The following POLQ variants were observed in gnomAD, a reference collection of about 807,000 sequenced individuals.
The protein encoded by POLQ is DNA polymerase theta.
A neutral mutation model predicts 259.2 loss-of-function variants in POLQ; 233 were observed. That is an observed-to-expected ratio of 0.90 (90% CI 0.81 to 1.00). The LOEUF (loss-of-function observed/expected upper bound fraction) is 1.00. POLQ is among the 50% of genes least tolerant of loss of function. POLQ has a pLI of 0.00. For synonymous variants in POLQ, 1,025 were observed against 1,048.8 expected (o/e 0.98, Z 0.44); for missense variants, 2,871 against 3,051.6 (o/e 0.94, Z 1.39).
At chr3:121,498,437 T>C (rs1475215979) in intron 13 of POLQ, 40 bp downstream of exon 13, 4 of 1,450,704 alleles carry the variant, frequency 2.8e-6, no homozygotes, top group East Asian at 4.6e-5. Context: ...TGCAAGACAC[T>C]GTGTTAAATA....
chr3:121,513,451 A>T (rs193075077), intron 9 of POLQ, among the ~76,000 whole-genome samples: 1 of 151,528 alleles, frequency 6.6e-6, no homozygotes, highest in Non-Finnish European at 1.5e-5. Flanking sequence ...AAAATACAAA[A>T]ATTAGCTGGG....
chr3:121,457,128 T>C (rs1409825226), intron 25 of POLQ, among the ~76,000 whole-genome samples: 1 of 152,118 alleles, frequency 6.6e-6, no homozygotes, highest in Non-Finnish European at 1.5e-5. Flanking sequence ...AAACAAGCAA[T>C]GGGGAAAGGA....
intron 5 of POLQ, among the ~76,000 whole-genome samples, chr3:121,534,486 G>A (rs2048436925): frequency 6.6e-6 from 1 of 152,092 alleles, no homozygotes; most frequent in South Asian, 2.1e-4. Context: ...ACCACGCCCA[G>A]CCAAATTTTG....
chr3:121,525,236 G>T (rs888438721), intron 7 of POLQ, among the ~76,000 whole-genome samples: 1 of 152,116 alleles, frequency 6.6e-6, no homozygotes, highest in East Asian at 1.9e-4. Context: ...AGCTACTCGG[G>T]AGGCTGAGGC....
At chr3:121,526,302 CCTT>C (rs1184589360) in intron 7 of POLQ, among the ~76,000 whole-genome samples, 1 of 152,210 alleles carries the variant, frequency 6.6e-6, no homozygotes, top group Non-Finnish European at 1.5e-5. Flanking sequence ...ACTCTCCAGT[CCTT>C]CTTGTACAAC....
chr3:121,481,603 G>C lies in POLQ; in HGVS notation c.6180C>G (p.Leu2060=), dbSNP rs1049378887. ...SILIFNSMNQ[L]NSLLQKENLQ... is the part of the protein sequence containing the mutation. ...GGTTTTCCTTCTGCAACAAAGAGTT[G>C]AGCTGATTCATAGAGTTGAAGATGA... Residue 2060 remains leucine (L), a synonymous_variant, in exon 19 of 30, where the codon CTC becomes CTG. Transcript: ENST00000264233. 3 of 1,610,296 alleles carry C rather than the reference G, an allele frequency of 1.9e-6. No individual in the cohort carries two copies. The highest frequency in any genetic ancestry group is 1.7e-6 in the Non-Finnish European group (2 of 1,178,042).
At chr3:121,456,708 A>G (rs917605026) in intron 25 of POLQ, among the ~76,000 whole-genome samples, 103 of 152,194 alleles carry the variant, frequency 6.8e-4, no homozygotes, top group African/African-American at 2.4e-3. Context: ...GGAGAACTAC[A>G]AACCACTGCT....
Position 121,493,207 on chromosome 3 carries a change from C to T in POLQ, c.2522+271G>A, listed in dbSNP as rs1023926237. 2.2e-4 allele frequency among the ~76,000 whole-genome samples: 33 copies of T among 151,636 alleles called. 1 individual carries two copies. The highest frequency in any genetic ancestry group is 1.0e-4 in the Non-Finnish European group (7 of 67,960). On this transcript the variant is annotated intron_variant, in intron 15 of 29. Coordinates refer to ENST00000264233, the MANE Select transcript of POLQ (RefSeq NM_199420.4). Reference sequence around the variant, plus strand: ...ATCCCAGCTACTCAGGAGGCTGAGGCAGGAGAATCGCTTGAACCCAGGAGG... The same window carrying T: ...ATCCCAGCTACTCAGGAGGCTGAGGTAGGAGAATCGCTTGAACCCAGGAGG...
intron 4 of POLQ, among the ~76,000 whole-genome samples, chr3:121,539,229 G>A (rs969619122): frequency 1.3e-5 from 2 of 152,098 alleles, no homozygotes; most frequent in Admixed American, 1.3e-4. Flanking sequence ...GTACAAAAAT[G>A]CAACGTAACG....
In POLQ at chr3:121,520,610, C is replaced by A. The variant is rs531238359; in HGVS notation, c.1256-527G>T. 3.3e-5 allele frequency among the ~76,000 whole-genome samples: 5 copies of A among 152,316 alleles called. No individual in the cohort carries two copies. The South Asian group carries it at 1.0e-3, about 32-fold the overall frequency. On this transcript the variant is annotated intron_variant, in intron 8 of 29. Coordinates refer to ENST00000264233, the MANE Select transcript of POLQ (RefSeq NM_199420.4). Reference sequence around the variant, plus strand: ...CCTTATTTTCTAGACCAGGGGTCCACAAACTTTTCCTGTTCCTGTGGAAAA... The same window carrying A: ...CCTTATTTTCTAGACCAGGGGTCCAAAAACTTTTCCTGTTCCTGTGGAAAA...
At chr3:121,432,711 T>TG (rs912289988) in intron 29 of POLQ, among the ~76,000 whole-genome samples, 5 of 152,224 alleles carry the variant, frequency 3.3e-5, no homozygotes, top group African/African-American at 1.2e-4. Context: ...AAAAACATCT[T>TG]GCATTGGCAA....
chr3:121,501,586 C>T (rs1187050214), intron 12 of POLQ, among the ~76,000 whole-genome samples: 2 of 144,172 alleles, frequency 1.4e-5, no homozygotes, highest in Admixed American at 7.1e-5. Flanking sequence ...GGCGTGAACC[C>T]GGGAGGCGGA....
rs1368289680 is a variant in POLQ at position 121,489,936 on chromosome 3, C to T, written c.2995G>A (p.Glu999Lys). The change falls in exon 16 of 30, where the codon GAG becomes AAG. Residue 999 changes from glutamate (E) to lysine (K), a missense_variant. Coordinates refer to ENST00000264233, the MANE Select transcript of POLQ (RefSeq NM_199420.4). The part of the protein sequence containing the change: ...RKRASLDINK[E>K]KPGASQNEGK... ...TCATTCTGAGAGGCTCCTGGCTTCT[C>T]TTTATTTATATCTAAAGAGGCCCGT... 1.9e-6 allele frequency: 3 copies of T among 1,579,806 alleles called. No individual in the cohort carries two copies. In the African/African-American group the frequency reaches 4.1e-5, roughly 22 times the overall value.
chr3:121,471,935 GA>G, intron 22 of POLQ, 54 bp downstream of exon 22: 1 of 1,028,876 alleles, frequency 9.7e-7, no homozygotes, highest in Non-Finnish European at 1.4e-6. Flanking sequence ...TATTACATAT[GA>G]AAATGCTTTT....
Position 121,488,748 on chromosome 3 carries a change from C to A in POLQ, c.4183G>T (p.Val1395Leu). The stretch of plus-strand genomic sequence containing the variant: ...TCACTGCTTTGTTTCATAGTACCTA[C>A]AGTCTTAAGGTCCAAATGATCTATC... Reference protein sequence around the residue: ...TKIDHLDLKTVGTMKQSSDSH... With the variant: ...TKIDHLDLKTLGTMKQSSDSH... Residue 1395 changes from valine (V) to leucine (L), a missense_variant, in exon 16 of 30, where the codon GTA becomes TTA. This residue lies in a region of POLQ where 2,080 missense variants were observed against 2,126.0 expected (regional missense o/e 0.98). Transcript: ENST00000264233. 1 of 1,613,914 alleles carries A rather than the reference C, an allele frequency of 6.2e-7. No individual in the cohort carries two copies. The highest frequency in any genetic ancestry group is 8.5e-7 in the Non-Finnish European group (1 of 1,179,828).
intron 19 of POLQ, among the ~76,000 whole-genome samples, chr3:121,478,242 C>A (rs1292212770): frequency 6.6e-6 from 1 of 152,142 alleles, no homozygotes; most frequent in African/African-American, 2.4e-5. Flanking sequence ...CCAGCAGAGG[C>A]AGGAGCAAAA....
At chr3:121,451,971 CA>C in intron 25 of POLQ, among the ~76,000 whole-genome samples, 1 of 152,374 alleles carries the variant, frequency 6.6e-6, no homozygotes, top group East Asian at 1.9e-4. Context: ...TTTACCTACT[CA>C]AGCCTCAGCA....
chr3:121,482,520 C>CA (rs34216699), intron 18 of POLQ, among the ~76,000 whole-genome samples: 86,075 of 139,488 alleles, frequency 0.62, 26,053 homozygotes, highest in East Asian at 0.89. Context: ...AACTTCGTCT[C>CA]AAAAAAAAAA....
intron 25 of POLQ, among the ~76,000 whole-genome samples, chr3:121,452,908 G>A (rs963774364): frequency 6.6e-6 from 1 of 152,226 alleles, no homozygotes; most frequent in African/African-American, 2.4e-5. Flanking sequence ...CACGCAGCTG[G>A]AGATCTGAGA....
Sources: allele counts gnomAD v4.1 joint callset (sites outside exome capture counted in the v4.1 genomes callset), GRCh38; gene constraint gnomAD v4.1.1; regional missense constraint gnomAD v4.1.1; transcripts MANE v1.5; gene names NCBI Gene and HGNC (gene_info 2026-07-23, HGNC 2026-07-21).